Variants in TTC8 observed in about 807,000 individuals in gnomAD.
The protein encoded by TTC8 is tetratricopeptide repeat domain 8, also known as tetratricopeptide repeat protein 8.
TTC8 carries 47 observed loss-of-function variants against 72.5 expected under a neutral mutation model. That is an observed-to-expected ratio of 0.65 (90% CI 0.51 to 0.83). The LOEUF (loss-of-function observed/expected upper bound fraction) is 0.83, where lower values mean the gene tolerates loss of function less well. Ranked by LOEUF, TTC8 falls within the 40% of genes least tolerant of loss-of-function variation. The pLI, the probability that TTC8 is intolerant of heterozygous loss-of-function variation, is 0.00. For missense variants in TTC8, 611 were observed against 623.2 expected, an observed-to-expected ratio of 0.98 and a Z score of 0.21; for synonymous variants, 199 against 221.4, an observed-to-expected ratio of 0.90 and a Z score of 0.90.
chr14:88,877,154 T>C, intron 14 of TTC8, 140 bp from the exon 15 acceptor site: 1 of 670,454 alleles, frequency 1.5e-6, no homozygotes. Context: ...ATGATGTTAG[T>C]TGTGGGTTTG....
At chr14:88,867,679 A>G (rs1292890471) in intron 10 of TTC8, among the ~76,000 whole-genome samples, 1 of 152,232 alleles carries the variant, frequency 6.6e-6, no homozygotes, top group Admixed American at 6.5e-5. Context: ...TGTCAGTACA[A>G]TAGGTGTTTC....
intron 10 of TTC8, among the ~76,000 whole-genome samples, chr14:88,862,541 C>CATATATATATATATAT (rs71130022): frequency 1.3e-4 from 3 of 23,812 alleles, no homozygotes; most frequent in African/African-American, 3.7e-4. Flanking sequence ...TCTCTCTCTC[C>CATATATATATATATAT]ATATATATAT....
At chr14:88,859,889 A>ATG (rs1238974226) in intron 9 of TTC8, among the ~76,000 whole-genome samples, 1 of 137,378 alleles carries the variant, frequency 7.3e-6, no homozygotes, top group South Asian at 2.3e-4. Context: ...TATATTATAT[A>ATG]ATATATAATA....
chr14:88,868,820 A>G (rs958003555), intron 10 of TTC8, among the ~76,000 whole-genome samples: 2 of 152,232 alleles, frequency 1.3e-5, no homozygotes, highest in East Asian at 1.9e-4. Flanking sequence ...AGGTATCAGC[A>G]TAGCAGAATG....
chr14:88,853,374 C>T (rs1188409784), intron 8 of TTC8, among the ~76,000 whole-genome samples: 8 of 152,156 alleles, frequency 5.3e-5, no homozygotes, highest in South Asian at 2.1e-4. Context: ...GGGACTAGAA[C>T]CAAGTCTGCT....
intron 7 of TTC8, among the ~76,000 whole-genome samples, chr14:88,851,149 A>T (rs1460412521): frequency 1.3e-5 from 2 of 152,212 alleles, no homozygotes; most frequent in Admixed American, 6.5e-5. Flanking sequence ...AGGCTGCATT[A>T]TACCAGCTTA....
intron 3 of TTC8, 39 bp from the exon 4 acceptor site, chr14:88,840,826 A>C (rs763466959): frequency 6.3e-7 from 1 of 1,591,544 alleles, no homozygotes. Flanking sequence ...ACAGATTAAT[A>C]GATAATATAT....
chr14:88,858,083 T>TC (rs2094865656), intron 9 of TTC8, among the ~76,000 whole-genome samples: 3 of 152,132 alleles, frequency 2.0e-5, no homozygotes, highest in Admixed American at 2.0e-4. Flanking sequence ...TGTCTCAGCC[T>TC]CCCAAGTAGC....
At chr14:88,846,749 A>T (rs1339187123) in intron 7 of TTC8, 1 of 861,408 alleles carries the variant, frequency 1.2e-6, no homozygotes, top group East Asian at 2.9e-5. Flanking sequence ...TAATTTTTAC[A>T]TATTATGTTA....
intron 7 of TTC8, among the ~76,000 whole-genome samples, chr14:88,844,571 GTC>G (rs1452706704): frequency 1.3e-5 from 2 of 151,392 alleles, no homozygotes; most frequent in African/African-American, 4.9e-5. Flanking sequence ...TTGAGACAGA[GTC>G]TCACTCTGTC....
chr14:88,851,582 A>C (rs754068364), intron 7 of TTC8, among the ~76,000 whole-genome samples: 1 of 152,188 alleles, frequency 6.6e-6, no homozygotes, highest in Non-Finnish European at 1.5e-5. Context: ...GATATTTACC[A>C]TGTATGCCTG....
intron 2 of TTC8, among the ~76,000 whole-genome samples, chr14:88,837,830 T>C (rs2094760157): frequency 6.6e-6 from 1 of 152,242 alleles, no homozygotes; most frequent in African/African-American, 2.4e-5. Flanking sequence ...AGATTTTTTT[T>C]CTATACTTTG....
At chr14:88,859,837 AAAT>A (rs1312794742) in intron 9 of TTC8, among the ~76,000 whole-genome samples, 1 of 105,096 alleles carries the variant, frequency 9.5e-6, no homozygotes, top group East Asian at 3.4e-4. Flanking sequence ...AAACATATAA[AAAT>A]AATATAAATA....
At chr14:88,846,765 A>G (rs1317687585) in intron 7 of TTC8, 3 of 678,148 alleles carry the variant, frequency 4.4e-6, no homozygotes, top group Admixed American at 3.6e-5. Flanking sequence ...TGTTAGTATC[A>G]TAGTTCTTCA....
chr14:88,835,755 T>C (rs2094747699), intron 2 of TTC8, among the ~76,000 whole-genome samples: 1 of 152,198 alleles, frequency 6.6e-6, no homozygotes, highest in Admixed American at 6.5e-5. Context: ...TAATCACTGA[T>C]TAGTTTTAAA....
intron 1 of TTC8, among the ~76,000 whole-genome samples, chr14:88,825,482 A>T (rs1408875158): frequency 6.6e-6 from 1 of 152,250 alleles, no homozygotes; most frequent in Non-Finnish European, 1.5e-5. Context: ...GCATTGATGA[A>T]AAGAGAACTT....
intron 2 of TTC8, among the ~76,000 whole-genome samples, chr14:88,838,542 A>G (rs2140971468): frequency 6.6e-6 from 1 of 152,220 alleles, no homozygotes; most frequent in East Asian, 1.9e-4. Flanking sequence ...TAGAGTCACT[A>G]ATATGCTGCA....
At chr14:88,867,132 T>C (rs900629880) in intron 10 of TTC8, among the ~76,000 whole-genome samples, 3 of 152,180 alleles carry the variant, frequency 2.0e-5, no homozygotes, top group African/African-American at 7.2e-5. Flanking sequence ...TTTGCAATTA[T>C]TGATGATATT....
In TTC8 at chr14:88,857,223, T is replaced by G. The variant is rs1411331497; in HGVS notation, c.744T>G (p.Phe248Leu). The change falls in exon 9 of 15, where the codon TTT becomes TTG. Residue 248 changes from phenylalanine (F) to leucine (L), a missense_variant. Coordinates refer to ENST00000380656, the MANE Select transcript of TTC8 (RefSeq NM_144596.4). ...LGMYREAEKQ[F>L]KSALKQQEMV... ...TGTATCGTGAAGCAGAAAAACAGTT[T>G]AAATCAGCCCTGAAGCAGCAGGAAA... 9.9e-6 allele frequency: 16 copies of G among 1,613,810 alleles called. No individual in the cohort carries two copies. Among genetic ancestry groups the G allele is most frequent in the Non-Finnish European group, 9.3e-6 (11 of 1,179,928 alleles).
Sources: allele counts gnomAD v4.1 joint callset (sites outside exome capture counted in the v4.1 genomes callset), GRCh38; gene constraint gnomAD v4.1.1; transcripts MANE v1.5; gene names NCBI Gene and HGNC (gene_info 2026-07-23, HGNC 2026-07-21).